Variants in CSMD1 observed in about 807,000 individuals in gnomAD.
The protein encoded by CSMD1 is CUB and sushi domain-containing protein 1.
A neutral mutation model predicts 417.5 loss-of-function variants in CSMD1; 213 were observed. The ratio of observed to expected loss-of-function variants is 0.51; its 90% CI spans 0.46 to 0.57. The LOEUF is 0.57. Among genes scored for constraint, CSMD1 ranks in the 20% least tolerant of loss-of-function variants. The pLI is 0.00. For missense variants in CSMD1, 6,923 were observed against 4,529.7 expected, an observed-to-expected ratio of 1.53 and a Z score of -15.17; for synonymous variants, 2,862 against 1,736.8, an observed-to-expected ratio of 1.65 and a Z score of -16.11.
At chr8:3,395,040 G>A (rs1811602236) in intron 17 of CSMD1, among the ~76,000 whole-genome samples, 1 of 152,156 alleles carries the variant, frequency 6.6e-6, no homozygotes, top group African/African-American at 2.4e-5. Context: ...ATTTAAATGT[G>A]CTGGAGTGGG....
chr8:4,306,921 C>T (rs182010170), intron 3 of CSMD1, among the ~76,000 whole-genome samples: 5 of 152,240 alleles, frequency 3.3e-5, no homozygotes, highest in Non-Finnish European at 7.4e-5. Context: ...TCAAAATCCT[C>T]AGTGTGGGAT....
chr8:2,949,182 T>C (rs548014989), intron 68 of CSMD1, 117 bp downstream of exon 68: 12 of 614,864 alleles, frequency 2.0e-5, no homozygotes, highest in Middle Eastern at 4.0e-4. Context: ...TATGTTAGTC[T>C]CTCTCATTAT....
At chr8:4,907,242 C>A (rs7001700) in intron 1 of CSMD1, among the ~76,000 whole-genome samples, 40,486 of 152,118 alleles carry the variant, frequency 0.27, 5,989 homozygotes, top group East Asian at 0.52. Context: ...TACTTCTCTA[C>A]TTTTAAGAAT....
At chr8:3,788,420 G>A (rs1322360594) in intron 5 of CSMD1, among the ~76,000 whole-genome samples, 4 of 152,144 alleles carry the variant, frequency 2.6e-5, no homozygotes, top group Non-Finnish European at 5.9e-5. Flanking sequence ...GCTTCTGGAG[G>A]TGCCCAACAG....
intron 1 of CSMD1, among the ~76,000 whole-genome samples, chr8:4,724,695 C>G (rs1384024753): frequency 6.6e-6 from 1 of 151,944 alleles, no homozygotes; most frequent in South Asian, 2.1e-4. Flanking sequence ...TATTGAACAC[C>G]ATTCTAAAAG....
chr8:3,918,051 A>G (rs1381955584), intron 5 of CSMD1, among the ~76,000 whole-genome samples: 1 of 151,992 alleles, frequency 6.6e-6, no homozygotes, highest in Non-Finnish European at 1.5e-5. Flanking sequence ...AGGGGTGAGT[A>G]ATATTTCATT....
chr8:3,811,399 C>G (rs1308578622), intron 5 of CSMD1, among the ~76,000 whole-genome samples: 1 of 152,076 alleles, frequency 6.6e-6, no homozygotes, highest in African/African-American at 2.4e-5. Context: ...ATCTATAGAC[C>G]ATGTAGTAAG....
chr8:3,814,799 G>C (rs912189327), intron 5 of CSMD1, among the ~76,000 whole-genome samples: 1 of 152,118 alleles, frequency 6.6e-6, no homozygotes, highest in East Asian at 1.9e-4. Context: ...TATTCGTCAC[G>C]GTGTGATTAT....
intron 26 of CSMD1, among the ~76,000 whole-genome samples, chr8:3,254,892 A>G (rs1800536813): frequency 6.6e-6 from 1 of 151,932 alleles, no homozygotes; most frequent in Non-Finnish European, 1.5e-5. Context: ...TTCTCCATCC[A>G]GCTTTGTTCC....
At position 4,177,678 on chromosome 8, in the gene CSMD1, G is replaced by A. The variant is rs527736198; in HGVS notation, c.416-145579C>T. Among the ~76,000 whole-genome samples, 35 of 141,322 alleles carry A rather than the reference G, an allele frequency of 2.5e-4. 1 individual carries two copies. Among genetic ancestry groups the A allele is most frequent in the South Asian group, 5.2e-4 (2 of 3,820 alleles). The allele number at this position is 141,322 out of a possible 152,430, so 92.7% of individuals were successfully genotyped here. On this transcript the variant is annotated intron_variant, in intron 3 of 69. Coordinates refer to ENST00000635120, the MANE Select transcript of CSMD1 (RefSeq NM_033225.6). ...AAAAGATCAACAAAATTGATAGACC[G>A]CTAGCAAGACTAACAAAGAAAAAAA...
chr8:3,503,051 A>C (rs1198617511), intron 10 of CSMD1, among the ~76,000 whole-genome samples: 1 of 152,202 alleles, frequency 6.6e-6, no homozygotes, highest in Non-Finnish European at 1.5e-5. Flanking sequence ...ACTGCTCTAA[A>C]AATAAAACCT....
At chr8:3,756,646 T>A (rs1207643877) in intron 5 of CSMD1, among the ~76,000 whole-genome samples, 2 of 152,198 alleles carry the variant, frequency 1.3e-5, no homozygotes, top group African/African-American at 4.8e-5. Context: ...TAGAAGACTA[T>A]GAATACAAAA....
chr8:3,490,164 G>A (rs118012161), intron 11 of CSMD1, among the ~76,000 whole-genome samples: 4 of 152,176 alleles, frequency 2.6e-5, no homozygotes, highest in African/African-American at 9.7e-5. Context: ...TATATCAGTG[G>A]CTTTTCTTTC....
chr8:4,417,379 T>G (rs1338336482), intron 3 of CSMD1, among the ~76,000 whole-genome samples: 1 of 152,016 alleles, frequency 6.6e-6, no homozygotes, highest in Non-Finnish European at 1.5e-5. Context: ...GGTGTCCGGA[T>G]TATGTTTATT....
At chr8:4,774,649 T>C (rs919949547) in intron 1 of CSMD1, among the ~76,000 whole-genome samples, 1 of 152,156 alleles carries the variant, frequency 6.6e-6, no homozygotes, top group East Asian at 1.9e-4. Context: ...TCATGTTCAA[T>C]TGTAACCTCT....
chr8:3,613,219 G>T, intron 8 of CSMD1: 1 of 346,274 alleles, frequency 2.9e-6, no homozygotes, highest in Non-Finnish European at 5.8e-6. Context: ...TGAAGTAGAA[G>T]TAGATCATCT....
intron 7 of CSMD1, among the ~76,000 whole-genome samples, chr8:3,622,016 T>TGC (rs1328202967): frequency 6.6e-6 from 1 of 151,730 alleles, no homozygotes; most frequent in Non-Finnish European, 1.5e-5. Flanking sequence ...TGTGTGTGTG[T>TGC]GTTTGAATAG....
At chr8:3,592,379 T>C (rs1006505087) in intron 8 of CSMD1, among the ~76,000 whole-genome samples, 6 of 152,124 alleles carry the variant, frequency 3.9e-5, no homozygotes, top group Non-Finnish European at 7.3e-5. Context: ...CATTTTTGCA[T>C]CTTCAGCAAA....
At chr8:4,632,616 T>C (rs1236232607) in intron 2 of CSMD1, among the ~76,000 whole-genome samples, 1 of 152,050 alleles carries the variant, frequency 6.6e-6, no homozygotes, top group Non-Finnish European at 1.5e-5. Context: ...CTATTAGACA[T>C]CTGAATGTAC....
Sources: gnomAD v4.1 joint callset for allele counts (sites outside exome capture counted in the v4.1 genomes callset) on GRCh38, gnomAD v4.1.1 for gene constraint, MANE v1.5 for transcripts, NCBI Gene and HGNC (gene_info 2026-07-23, HGNC 2026-07-21) for gene names.